AGTPBP1: variants seen among roughly 807,000 people sequenced by gnomAD.
AGTPBP1 encodes cytosolic carboxypeptidase 1.
In AGTPBP1, 70 loss-of-function variants were observed where a neutral mutation model predicts 143.9. That is an observed-to-expected ratio of 0.49 (90% CI 0.40 to 0.59). The LOEUF is 0.59. Ranked by LOEUF, AGTPBP1 falls within the 20% of genes least tolerant of loss-of-function variation. The probability of loss-of-function intolerance (pLI) is 0.00; values close to 1 mark genes in which losing one functional copy is unlikely to be tolerated. For synonymous variants in AGTPBP1, 463 were observed against 500.2 expected (o/e 0.93, Z 0.99); for missense variants, 1,229 against 1,464.5 (o/e 0.84, Z 2.62).
intron 13 of AGTPBP1, among the ~76,000 whole-genome samples, chr9:85,638,937 T>C (rs1832266035): frequency 6.6e-6 from 1 of 152,070 alleles, no homozygotes; most frequent in Non-Finnish European, 1.5e-5. Flanking sequence ...AAAGAGAACT[T>C]AACTTCTCAA....
At position 85,738,086 on chromosome 9, in the gene AGTPBP1, T is replaced by C. The variant is rs183992705; in HGVS notation, c.-34+3689A>G. ...AAAAAAAAGTTGTTTTCATTAAAAA[T>C]AGGGTGTTTATATTAACATGTAAAG... On this transcript the variant is annotated intron_variant, in intron 1 of 25. Transcript: ENST00000357081. Among the ~76,000 whole-genome samples, 280 of 152,338 alleles carry C rather than the reference T, an allele frequency of 1.8e-3. 2 individuals carry two copies. Among genetic ancestry groups the C allele is most frequent in the Admixed American group, 4.2e-3 (65 of 15,302 alleles).
intron 1 of AGTPBP1, among the ~76,000 whole-genome samples, chr9:85,731,492 C>G (rs895370904): frequency 6.6e-6 from 1 of 151,884 alleles, no homozygotes; most frequent in African/African-American, 2.4e-5. Context: ...CACGGTCTTG[C>G]TCTGTCACCC....
chr9:85,643,656 G>A (rs1564097997), intron 12 of AGTPBP1, among the ~76,000 whole-genome samples: 2 of 152,292 alleles, frequency 1.3e-5, no homozygotes, highest in Middle Eastern at 3.4e-3. Flanking sequence ...TGATTTCCAT[G>A]TCTCTCTAGG....
the AGTPBP1 span, among the ~76,000 whole-genome samples, chr9:85,755,505 C>T: frequency 6.6e-6 from 1 of 151,992 alleles, no homozygotes; most frequent in Non-Finnish European, 1.5e-5. Context: ...GCTTTCCTTC[C>T]ATCCTCCATC....
intron 5 of AGTPBP1, 31 bp downstream of exon 5, chr9:85,678,304 C>G (rs746807152): frequency 2.0e-6 from 3 of 1,504,358 alleles, no homozygotes; most frequent in Non-Finnish European, 2.7e-6. Context: ...TGTTTAGAAA[C>G]AGAAATTAGA....
chr9:85,552,373 A>G (rs1465012441), intron 25 of AGTPBP1, among the ~76,000 whole-genome samples: 1 of 152,170 alleles, frequency 6.6e-6, no homozygotes, highest in Admixed American at 6.5e-5. Context: ...AACCTAAAAA[A>G]TTCACCATTC....
chr9:85,795,084 CT>C, the AGTPBP1 span, among the ~76,000 whole-genome samples: 2 of 152,104 alleles, frequency 1.3e-5, no homozygotes, highest in African/African-American at 4.8e-5. Flanking sequence ...ACCCCAACTA[CT>C]TTTTTGTTGT....
intron 19 of AGTPBP1, among the ~76,000 whole-genome samples, chr9:85,592,125 A>G (rs1283644713): frequency 6.6e-6 from 1 of 152,032 alleles, no homozygotes; most frequent in Non-Finnish European, 1.5e-5. Context: ...TTTTTTTAAT[A>G]TTCTATTTTC....
At chr9:85,556,446 C>T in intron 25 of AGTPBP1, among the ~76,000 whole-genome samples, 1 of 152,000 alleles carries the variant, frequency 6.6e-6, no homozygotes, top group East Asian at 1.9e-4. Context: ...ACAAGTGAAA[C>T]CAATAGAAAA....
At chr9:85,612,537 C>T (rs1587736033) in intron 17 of AGTPBP1, among the ~76,000 whole-genome samples, 1 of 152,152 alleles carries the variant, frequency 6.6e-6, no homozygotes, top group African/African-American at 2.4e-5. Flanking sequence ...AACTGTGAAT[C>T]GTAATTCAGT....
Position 85,691,276 on chromosome 9 carries a change from T to C in AGTPBP1, c.157+1413A>G, listed in dbSNP as rs1355016542. On this transcript the variant is annotated intron_variant, in intron 3 of 25. Coordinates refer to ENST00000357081, the MANE Select transcript of AGTPBP1 (RefSeq NM_001330701.2). Reference sequence around the variant, plus strand: ...TGGTATCAACTATCCTCCAAATGCATGGGCTACATGGGAGGAAGTTATCAA... The same window carrying C: ...TGGTATCAACTATCCTCCAAATGCACGGGCTACATGGGAGGAAGTTATCAA... Among the ~76,000 whole-genome samples the C allele has an allele frequency of 3.3e-5, 5 of 152,112 alleles. No individual in the cohort carries two copies. In the East Asian group the frequency reaches 7.7e-4, roughly 23 times the overall value.
At chr9:85,577,253 T>A (rs568095490) in intron 24 of AGTPBP1, among the ~76,000 whole-genome samples, 1 of 152,204 alleles carries the variant, frequency 6.6e-6, no homozygotes, top group Non-Finnish European at 1.5e-5. Flanking sequence ...CAGAAGCTAG[T>A]TTCAGAGACA....
chr9:85,788,404 A>G, the AGTPBP1 span, among the ~76,000 whole-genome samples: 1 of 148,828 alleles, frequency 6.7e-6, no homozygotes, highest in Non-Finnish European at 1.5e-5. Flanking sequence ...TATTATATAT[A>G]TTTCATATAT....
chr9:85,712,510 TG>T lies in AGTPBP1; in HGVS notation c.23del (p.Pro8GlnfsTer12). 6.7e-7 allele frequency: 1 copy of T among 1,499,284 alleles called. No individual in the cohort carries two copies. The highest frequency in any genetic ancestry group is 1.3e-5 in the South Asian group (1 of 76,728). 92.9% of individuals were successfully genotyped at this position (1,499,284 alleles called of 1,614,324 possible). A position where few individuals can be genotyped will look rare whatever the true frequency, so the allele number is the denominator to read the frequency against. ...ATTCAGAATTACAGTACCTTTTTTC[TG>T]GTATCACTTTTAACTTGCTCATCTT... MSKLKVI[P>X]EKSLTNNSRI... On this transcript the variant is annotated frameshift_variant, in exon 2 of 26. Coordinates refer to ENST00000357081, the MANE Select transcript of AGTPBP1 (RefSeq NM_001330701.2). LOFTEE classifies it high-confidence loss of function.
chr9:85,773,303 C>G, the AGTPBP1 span, among the ~76,000 whole-genome samples: 2 of 111,354 alleles, frequency 1.8e-5, no homozygotes, highest in East Asian at 5.2e-4. Flanking sequence ...GTCATCAATT[C>G]AGAATTCCAA....
chr9:85,599,530 G>A (rs749712892), intron 17 of AGTPBP1, among the ~76,000 whole-genome samples: 18 of 152,018 alleles, frequency 1.2e-4, no homozygotes, highest in Non-Finnish European at 2.1e-4. Flanking sequence ...TATATTAAAT[G>A]AACTAACTAA....
At chr9:85,764,068 A>G in the AGTPBP1 span, among the ~76,000 whole-genome samples, 2 of 152,188 alleles carry the variant, frequency 1.3e-5, no homozygotes, top group African/African-American at 4.8e-5. Flanking sequence ...ATTGTAACAT[A>G]ATTCTACAAT....
chr9:85,595,033 A>C (rs1306721735), intron 18 of AGTPBP1, among the ~76,000 whole-genome samples: 1 of 152,236 alleles, frequency 6.6e-6, no homozygotes, highest in Non-Finnish European at 1.5e-5. Flanking sequence ...GTCTACCACT[A>C]AAAGAAATAC....
At chr9:85,788,950 A>C in the AGTPBP1 span, among the ~76,000 whole-genome samples, 1 of 151,876 alleles carries the variant, frequency 6.6e-6, no homozygotes, top group African/African-American at 2.4e-5. Flanking sequence ...GGAATAATTC[A>C]TTTGAGAATG....
Sources: allele counts gnomAD v4.1 joint callset (sites outside exome capture counted in the v4.1 genomes callset), GRCh38; gene constraint gnomAD v4.1.1; transcripts MANE v1.5; gene names NCBI Gene and HGNC (gene_info 2026-07-23, HGNC 2026-07-21).